Variants in ZNF385D observed in about 807,000 individuals in gnomAD.
The protein encoded by ZNF385D is zinc finger protein 385D, also known as zinc finger protein 659.
ZNF385D carries 15 observed loss-of-function variants against 35.8 expected under a neutral mutation model. The observed-to-expected ratio is 0.42, with a 90% CI of 0.28 to 0.64. ZNF385D has a LOEUF of 0.64. ZNF385D is among the 30% of genes least tolerant of loss of function. ZNF385D has a pLI of 0.23. For synonymous variants in ZNF385D, 212 were observed against 186.8 expected (o/e 1.13, Z -1.10); for missense variants, 474 against 494.6 (o/e 0.96, Z 0.39).
intron 3 of ZNF385D, among the ~76,000 whole-genome samples, chr3:21,930,299 G>A (rs976968782): frequency 2.0e-5 from 3 of 148,178 alleles, no homozygotes; most frequent in Admixed American, 6.8e-5. Context: ...AACTAGAAAC[G>A]GATCATAGAT....
intron 2 of ZNF385D, among the ~76,000 whole-genome samples, chr3:21,598,837 T>C (rs148572886): frequency 1.3e-5 from 2 of 152,148 alleles, no homozygotes; most frequent in African/African-American, 4.8e-5. Context: ...ATTAATCTTA[T>C]TTACTCAATT....
chr3:21,443,229 C>A, intron 4 of ZNF385D: 1 of 985,318 alleles, frequency 1.0e-6, no homozygotes, highest in Non-Finnish European at 1.2e-6. Flanking sequence ...GCACTGCTTC[C>A]GCTCTGTTCT....
chr3:21,971,751 G>T (rs186912602), intron 3 of ZNF385D, among the ~76,000 whole-genome samples: 2 of 151,040 alleles, frequency 1.3e-5, no homozygotes. Flanking sequence ...CATATAAACT[G>T]AAAATAAAGG....
chr3:22,318,798 T>A (rs1243087812), intron 2 of ZNF385D, among the ~76,000 whole-genome samples: 1 of 152,036 alleles, frequency 6.6e-6, no homozygotes, highest in Non-Finnish European at 1.5e-5. Context: ...AAAACAAAAA[T>A]GTACTGTGAA....
chr3:21,793,637 C>T (rs1370027531), intron 3 of ZNF385D, among the ~76,000 whole-genome samples: 1 of 152,176 alleles, frequency 6.6e-6, no homozygotes, highest in African/African-American at 2.4e-5. Context: ...ACAGGACATG[C>T]TGAGATTTTG....
intron 3 of ZNF385D, among the ~76,000 whole-genome samples, chr3:21,895,994 A>G (rs1699115337): frequency 6.6e-6 from 1 of 152,180 alleles, no homozygotes; most frequent in Admixed American, 6.5e-5. Context: ...GACAATGACA[A>G]TTATTTTAAT....
intron 3 of ZNF385D, among the ~76,000 whole-genome samples, chr3:21,819,659 G>T (rs866183267): frequency 8.3e-5 from 12 of 144,246 alleles, no homozygotes; most frequent in Middle Eastern, 3.8e-3. Flanking sequence ...ATATATTTAT[G>T]TGTATTAATT....
Position 22,047,098 on chromosome 3 carries a change from T to C in ZNF385D, c.325+121719A>G, listed in dbSNP as rs543458547. ...TGATTTCTCTGTCAACGATGAAGGC[T>C]TCTGACATTCTTGTTGATTGACAAA... On this transcript the variant is annotated intron_variant, in intron 3 of 5. Transcript: ENST00000494108. 2.0e-3 allele frequency among the ~76,000 whole-genome samples: 303 copies of C among 152,272 alleles called. 1 individual carries two copies. Among genetic ancestry groups the C allele is most frequent in the Non-Finnish European group, 3.6e-3 (243 of 67,988 alleles).
At chr3:21,608,023 GTTTTTTTTTTTT>G (rs1348318681) in intron 2 of ZNF385D, among the ~76,000 whole-genome samples, 32 of 120,240 alleles carry the variant, frequency 2.7e-4, no homozygotes, top group African/African-American at 9.3e-4. Context: ...TTTTTTTTTT[GTTTTTTTTTTTT>G]GAGTCTTGCT....
At chr3:22,319,970 T>C (rs1457106627) in intron 2 of ZNF385D, among the ~76,000 whole-genome samples, 2 of 152,166 alleles carry the variant, frequency 1.3e-5, no homozygotes, top group Admixed American at 1.3e-4. Flanking sequence ...TATTTTATCA[T>C]CAGAACTCTC....
chr3:21,903,356 G>A (rs1377212647), intron 3 of ZNF385D, among the ~76,000 whole-genome samples: 2 of 152,142 alleles, frequency 1.3e-5, no homozygotes, highest in Non-Finnish European at 2.9e-5. Flanking sequence ...AAGATTTGGT[G>A]CAATGATTCA....
intron 3 of ZNF385D, among the ~76,000 whole-genome samples, chr3:21,900,705 A>G (rs1002164433): frequency 2.0e-5 from 3 of 152,186 alleles, no homozygotes; most frequent in South Asian, 2.1e-4. Flanking sequence ...TTGTCAATAT[A>G]AAAGACATAC....
At chr3:22,178,522 T>A (rs1251460198) in intron 2 of ZNF385D, among the ~76,000 whole-genome samples, 2 of 152,102 alleles carry the variant, frequency 1.3e-5, no homozygotes, top group Non-Finnish European at 2.9e-5. Context: ...TTTTCTCCCA[T>A]TCTGTAGGTT....
chr3:21,975,376 G>A (rs551641256), intron 3 of ZNF385D, among the ~76,000 whole-genome samples: 2 of 152,138 alleles, frequency 1.3e-5, no homozygotes, highest in Non-Finnish European at 2.9e-5. Context: ...CTCATGGAGA[G>A]AGAGAGTAAA....
At chr3:22,025,322 C>T (rs927033712) in intron 3 of ZNF385D, among the ~76,000 whole-genome samples, 1 of 152,100 alleles carries the variant, frequency 6.6e-6, no homozygotes, top group Non-Finnish European at 1.5e-5. Context: ...TAGAAGCCAC[C>T]CCCAAAACCT....
Position 21,902,338 on chromosome 3 carries a change from G to C in ZNF385D, c.326-237310C>G, listed in dbSNP as rs1699454536. ...ACTTGTGTTGTTCTATGTTAGGGTG[G>C]GAAATGTCATAGGGCTTCATTTGTT... On this transcript the variant is annotated intron_variant, in intron 3 of 5. Transcript: ENST00000494108. 2.6e-5 allele frequency among the ~76,000 whole-genome samples: 4 copies of C among 152,126 alleles called. No homozygotes were observed. The South Asian group carries it at 8.3e-4, about 32-fold the overall frequency.
chr3:21,872,467 C>T (rs186396025), intron 3 of ZNF385D, among the ~76,000 whole-genome samples: 79 of 152,162 alleles, frequency 5.2e-4, no homozygotes, highest in African/African-American at 1.8e-3. Context: ...TTTGGATAAG[C>T]AAATAAAAAC....
intron 3 of ZNF385D, among the ~76,000 whole-genome samples, chr3:21,939,549 A>C (rs957085901): frequency 3.3e-5 from 5 of 152,226 alleles, no homozygotes; most frequent in African/African-American, 1.2e-4. Flanking sequence ...ATAATCATTC[A>C]ATCAAGCCCT....
chr3:22,248,719 T>A (rs1699916834), intron 2 of ZNF385D, among the ~76,000 whole-genome samples: 3 of 152,096 alleles, frequency 2.0e-5, no homozygotes, highest in Admixed American at 2.0e-4. Context: ...GGCTGCAAAT[T>A]TTTTTACCAA....
Sources: gnomAD v4.1 joint callset for allele counts (sites outside exome capture counted in the v4.1 genomes callset) on GRCh38, gnomAD v4.1.1 for gene constraint, MANE v1.5 for transcripts, NCBI Gene and HGNC (gene_info 2026-07-23, HGNC 2026-07-21) for gene names.